TMEM131: variants seen among roughly 807,000 people sequenced by gnomAD.
TMEM131 encodes transmembrane protein 131, also known as 2610524E03Rik.
TMEM131 carries 66 observed loss-of-function variants against 211.6 expected under a neutral mutation model. The ratio of observed to expected loss-of-function variants is 0.31; its 90% CI spans 0.26 to 0.38. The LOEUF is 0.38. Among genes scored for constraint, TMEM131 ranks in the 10% least tolerant of loss-of-function variants. The probability of loss-of-function intolerance (pLI) is 1.00; values close to 1 mark genes in which losing one functional copy is unlikely to be tolerated. For missense variants in TMEM131, 2,036 were observed against 2,299.3 expected (o/e 0.89, Z 2.34); for synonymous variants, 844 against 841.3 (o/e 1.00, Z -0.06).
At chr2:97,845,538 A>T (rs1683384857) in intron 5 of TMEM131, among the ~76,000 whole-genome samples, 1 of 152,226 alleles carries the variant, frequency 6.6e-6, no homozygotes, top group Non-Finnish European at 1.5e-5. Context: ...TTTTGAATTG[A>T]TTGGAAATGA....
intron 3 of TMEM131, among the ~76,000 whole-genome samples, chr2:97,892,138 T>C (rs1004201869): frequency 5.3e-5 from 8 of 152,236 alleles, no homozygotes; most frequent in Non-Finnish European, 1.2e-4. Flanking sequence ...TGATGAATAA[T>C]GTTGACCATC....
At chr2:97,769,499 G>A (rs895900831) in intron 33 of TMEM131, among the ~76,000 whole-genome samples, 5 of 152,208 alleles carry the variant, frequency 3.3e-5, no homozygotes, top group Admixed American at 6.5e-5. Context: ...ATGACCAGCT[G>A]TGGAGCAGGG....
chr2:97,861,585 T>C (rs1228881507), intron 4 of TMEM131, among the ~76,000 whole-genome samples: 2 of 151,854 alleles, frequency 1.3e-5, no homozygotes, highest in East Asian at 3.9e-4. Flanking sequence ...CCTGGCGGTA[T>C]TCTCCGTGGG....
intron 31 of TMEM131, among the ~76,000 whole-genome samples, chr2:97,785,793 A>G (rs1680220324): frequency 6.6e-6 from 1 of 152,224 alleles, no homozygotes; most frequent in Non-Finnish European, 1.5e-5. Context: ...CAAATGACTA[A>G]AAAACCTACA....
At chr2:97,757,677 A>G (rs1438229100) in intron 40 of TMEM131, among the ~76,000 whole-genome samples, 1 of 152,174 alleles carries the variant, frequency 6.6e-6, no homozygotes, top group Non-Finnish European at 1.5e-5. Flanking sequence ...CTGGGATTAC[A>G]GGCACTAGCC....
At chr2:97,858,648 G>A (rs909767210) in intron 5 of TMEM131, among the ~76,000 whole-genome samples, 3 of 152,220 alleles carry the variant, frequency 2.0e-5, no homozygotes, top group African/African-American at 4.8e-5. Flanking sequence ...GAGGACACCA[G>A]AGAGGTACAA....
intron 33 of TMEM131, among the ~76,000 whole-genome samples, chr2:97,771,167 A>C (rs111962764): frequency 2.0e-5 from 3 of 152,120 alleles, no homozygotes; most frequent in Admixed American, 6.5e-5. Context: ...GCTCTCAACA[A>C]ATTGTGGGAC....
chr2:97,981,196 G>A (rs1679782372), intron 1 of TMEM131, among the ~76,000 whole-genome samples: 1 of 151,734 alleles, frequency 6.6e-6, no homozygotes, highest in Admixed American at 6.6e-5. Context: ...TCTTTTTTAA[G>A]GTGCATAATG....
At chr2:97,971,744 C>T (rs563070056) in intron 1 of TMEM131, among the ~76,000 whole-genome samples, 15 of 152,154 alleles carry the variant, frequency 9.9e-5, no homozygotes, top group Non-Finnish European at 2.1e-4. Flanking sequence ...TGCCTATAGT[C>T]CCAGCTACTC....
At chr2:97,855,695 G>T (rs1295962395) in intron 5 of TMEM131, among the ~76,000 whole-genome samples, 1 of 125,350 alleles carries the variant, frequency 8.0e-6, no homozygotes, top group Admixed American at 8.2e-5. Context: ...GAGAGACCCT[G>T]TCTCAAAAAA....
intron 1 of TMEM131, among the ~76,000 whole-genome samples, chr2:97,958,162 A>G (rs936259177): frequency 6.6e-6 from 1 of 152,238 alleles, no homozygotes; most frequent in East Asian, 1.9e-4. Flanking sequence ...TCTGGGGAGC[A>G]TTGAAGAGAA....
intron 1 of TMEM131, among the ~76,000 whole-genome samples, chr2:97,961,961 C>A (rs767552272): frequency 6.6e-6 from 1 of 152,006 alleles, no homozygotes; most frequent in African/African-American, 2.4e-5. Context: ...TATTTGAATA[C>A]GCAAATAATG....
At chr2:97,824,400 C>T (rs1379810743) in intron 11 of TMEM131, among the ~76,000 whole-genome samples, 1 of 152,232 alleles carries the variant, frequency 6.6e-6, no homozygotes. Flanking sequence ...TGTTAATCTC[C>T]TGTCCTGGAC....
At chr2:97,967,818 C>T (rs1205234312) in intron 1 of TMEM131, among the ~76,000 whole-genome samples, 3 of 152,012 alleles carry the variant, frequency 2.0e-5, no homozygotes, top group Non-Finnish European at 4.4e-5. Flanking sequence ...AGCCTCGATG[C>T]TCTTCTTATC....
chr2:97,956,838 G>A (rs1460695514), intron 1 of TMEM131, among the ~76,000 whole-genome samples: 1 of 151,936 alleles, frequency 6.6e-6, no homozygotes, highest in Non-Finnish European at 1.5e-5. Context: ...GTGGCTCACG[G>A]CTGTAATCCC....
Position 97,844,234 on chromosome 2 carries a change from A to T in TMEM131, c.511T>A (p.Phe171Ile). Residue 171 changes from phenylalanine (F) to isoleucine (I), a missense_variant, in exon 6 of 41, where the codon TTT becomes ATT. Phe to Ile is a conservative substitution (Grantham distance 21). Around this residue, in one of 3 missense-constraint regions of TMEM131, gnomAD observed 277 missense variants for 378.0 expected, o/e 0.73. Coordinates refer to ENST00000186436, the MANE Select transcript of TMEM131 (RefSeq NM_015348.2). The stretch of plus-strand genomic sequence containing the variant: ...ACTCTTGCAAGAAAAACTACATCAA[A>T]TGATGTATTTCCTCCTGGAAGAATT... ...RKILPGGNTS[F>I]DVVFLARVVG... The T allele has an allele frequency of 7.6e-7, 1 of 1,322,806 alleles. No homozygotes were observed. The highest frequency in any genetic ancestry group is 1.0e-6 in the Non-Finnish European group (1 of 1,004,274). 81.9% of individuals were successfully genotyped at this position (1,322,806 alleles called of 1,614,324 possible).
intron 1 of TMEM131, among the ~76,000 whole-genome samples, chr2:97,939,660 C>T (rs544555556): frequency 6.6e-6 from 1 of 152,324 alleles, no homozygotes; most frequent in African/African-American, 2.4e-5. Context: ...AGGGAATCCT[C>T]CCTAACTCAT....
intron 33 of TMEM131, among the ~76,000 whole-genome samples, chr2:97,770,841 T>C (rs970578876): frequency 3.9e-5 from 6 of 152,238 alleles, no homozygotes; most frequent in African/African-American, 1.4e-4. Context: ...TGCATGTCTG[T>C]CTACCTCACA....
chr2:97,933,283 T>C (rs1677309231), intron 1 of TMEM131, among the ~76,000 whole-genome samples: 1 of 152,204 alleles, frequency 6.6e-6, no homozygotes, highest in Admixed American at 6.5e-5. Context: ...TGAAATATTA[T>C]TCAGCCACAA....
Sources: allele counts gnomAD v4.1 joint callset (sites outside exome capture counted in the v4.1 genomes callset), GRCh38; gene constraint gnomAD v4.1.1; regional missense constraint gnomAD v4.1.1; transcripts MANE v1.5; gene names NCBI Gene and HGNC (gene_info 2026-07-23, HGNC 2026-07-21).